PKP4: variants seen among roughly 807,000 people sequenced by gnomAD.
PKP4 encodes the protein plakophilin-4.
Under a neutral mutation model 145.1 loss-of-function variants are expected in PKP4, and 90 were observed. The ratio of observed to expected loss-of-function variants is 0.62; its 90% CI spans 0.52 to 0.74. The LOEUF is 0.74. PKP4 is among the 30% of genes least tolerant of loss of function. PKP4 has a pLI of 0.00. For synonymous variants in PKP4, 563 were observed against 577.2 expected (o/e 0.98, Z 0.35); for missense variants, 1,340 against 1,482.7 (o/e 0.90, Z 1.58).
intron 2 of PKP4, among the ~76,000 whole-genome samples, chr2:158,546,469 A>G (rs72934816): frequency 1.7e-3 from 254 of 152,278 alleles, no homozygotes; most frequent in Non-Finnish European, 2.5e-3. Flanking sequence ...TTAAGTAATC[A>G]CAAGATATTT....
chr2:158,611,559 A>G lies in PKP4; in HGVS notation c.280+8455A>G, dbSNP rs559319732. Among the ~76,000 whole-genome samples, 30 of 152,334 alleles carry G rather than the reference A, an allele frequency of 2.0e-4. 1 individual carries two copies. In the South Asian group the frequency reaches 6.0e-3, roughly 30 times the overall value. The stretch of plus-strand genomic sequence containing the variant: ...CCTCCATCTGGTGCAAGTAATTTAC[A>G]ACACAAAAATTCATCAGCACATCAT... On this transcript the variant is annotated intron_variant, in intron 4 of 21. Coordinates refer to ENST00000389759, the MANE Select transcript of PKP4 (RefSeq NM_003628.6).
At chr2:158,586,073 G>T (rs184445334) in intron 3 of PKP4, among the ~76,000 whole-genome samples, 125 of 152,060 alleles carry the variant, frequency 8.2e-4, no homozygotes, top group African/African-American at 2.8e-3. Flanking sequence ...AATTTTCAAG[G>T]TTCCTCCATG....
At chr2:158,616,203 G>A (rs935636225) in intron 4 of PKP4, among the ~76,000 whole-genome samples, 3 of 152,168 alleles carry the variant, frequency 2.0e-5, no homozygotes, top group East Asian at 1.9e-4. Context: ...CTGAAACAAC[G>A]TTTCCCAGTG....
intron 3 of PKP4, among the ~76,000 whole-genome samples, chr2:158,601,132 C>T (rs1424091373): frequency 6.6e-6 from 1 of 152,096 alleles, no homozygotes; most frequent in Non-Finnish European, 1.5e-5. Context: ...ATGCTAGGCA[C>T]TTGGTATAAA....
intron 12 of PKP4, chr2:158,660,674 A>T (rs531709041): frequency 6.6e-6 from 1 of 152,550 alleles, no homozygotes; most frequent in African/African-American, 2.4e-5. Context: ...AAAAATTTAG[A>T]CACAAAACCG....
At chr2:158,545,190 C>T (rs1404266347) in intron 2 of PKP4, among the ~76,000 whole-genome samples, 3 of 143,276 alleles carry the variant, frequency 2.1e-5, no homozygotes, top group African/African-American at 7.8e-5. Context: ...CCTTTGGGGG[C>T]TCAGCTTCCT....
At chr2:158,562,842 C>T (rs922554967) in intron 2 of PKP4, among the ~76,000 whole-genome samples, 1 of 152,006 alleles carries the variant, frequency 6.6e-6, no homozygotes, top group Non-Finnish European at 1.5e-5. Context: ...TAATTGGGTC[C>T]TCTTGCGTGT....
chr2:158,556,108 C>T (rs1559318891), intron 2 of PKP4, among the ~76,000 whole-genome samples: 1 of 152,214 alleles, frequency 6.6e-6, no homozygotes, highest in Non-Finnish European at 1.5e-5. Context: ...CATTATTACA[C>T]TGTGACATTG....
At chr2:158,562,913 C>T (rs939574326) in intron 2 of PKP4, among the ~76,000 whole-genome samples, 4 of 152,074 alleles carry the variant, frequency 2.6e-5, no homozygotes, top group Non-Finnish European at 4.4e-5. Context: ...TATAAGATTA[C>T]GGTTGATTAT....
At chr2:158,499,334 G>A (rs1696218513) in intron 1 of PKP4, among the ~76,000 whole-genome samples, 1 of 152,014 alleles carries the variant, frequency 6.6e-6, no homozygotes, top group Admixed American at 6.6e-5. Flanking sequence ...CCTGAACCCA[G>A]AGCAGTCCCA....
chr2:158,549,944 A>G (rs2045446381), intron 2 of PKP4, among the ~76,000 whole-genome samples: 1 of 152,190 alleles, frequency 6.6e-6, no homozygotes, highest in Non-Finnish European at 1.5e-5. Context: ...TAGTTTTAAA[A>G]TTATTCAACC....
intron 16 of PKP4, among the ~76,000 whole-genome samples, chr2:158,668,301 C>T (rs1488048833): frequency 6.6e-6 from 1 of 152,118 alleles, no homozygotes; most frequent in Admixed American, 6.5e-5. Context: ...CTAATTTACC[C>T]AGTACTTCAG....
intron 2 of PKP4, among the ~76,000 whole-genome samples, chr2:158,538,958 T>C (rs75893563): frequency 6.6e-6 from 1 of 152,204 alleles, no homozygotes; most frequent in East Asian, 1.9e-4. Flanking sequence ...TTTGGTAAAA[T>C]ATGCTAATTT....
At position 158,663,258 on chromosome 2, in the gene PKP4, T is replaced by C. The variant is rs757909388; in HGVS notation, c.2404-14T>C. ...CATTCTGCCTCCATTTAACGTGTGC[T>C]GTTTGTCTTTCAGTGGGATGGAGTT... On this transcript the variant is annotated splice_polypyrimidine_tract_variant and intron_variant, in intron 14 of 21. Transcript: ENST00000389759. 9.9e-6 allele frequency: 16 copies of C among 1,609,788 alleles called. No homozygotes were observed. The South Asian group carries it at 1.8e-4, about 18-fold the overall frequency.
chr2:158,533,359 T>C (rs746169499), intron 2 of PKP4, 43 bp downstream of exon 2: 1 of 1,605,564 alleles, frequency 6.2e-7, no homozygotes, highest in Non-Finnish European at 8.5e-7. Context: ...ATTTCTTTAA[T>C]GCCTTTAAAA....
At chr2:158,668,585 A>G (rs905850808) in intron 16 of PKP4, among the ~76,000 whole-genome samples, 4 of 152,232 alleles carry the variant, frequency 2.6e-5, no homozygotes, top group Non-Finnish European at 5.9e-5. Flanking sequence ...CCTTAGCAAA[A>G]TGACAAATTA....
At chr2:158,541,463 T>C (rs2105662334) in intron 2 of PKP4, among the ~76,000 whole-genome samples, 1 of 152,252 alleles carries the variant, frequency 6.6e-6, no homozygotes, top group South Asian at 2.1e-4. Context: ...GCTTATAGAA[T>C]CTTAAGAGTT....
intron 11 of PKP4, among the ~76,000 whole-genome samples, chr2:158,655,710 T>G (rs1405011044): frequency 2.0e-5 from 3 of 152,230 alleles, no homozygotes; most frequent in African/African-American, 7.2e-5. Context: ...GACAGAAAAT[T>G]TGTGCCAATG....
intron 3 of PKP4, among the ~76,000 whole-genome samples, chr2:158,590,848 T>C (rs1474064931): frequency 6.6e-6 from 1 of 152,112 alleles, no homozygotes; most frequent in Non-Finnish European, 1.5e-5. Context: ...AGTTTTACAA[T>C]GAATGGATCA....
Sources: allele counts gnomAD v4.1 joint callset (sites outside exome capture counted in the v4.1 genomes callset), GRCh38; gene constraint gnomAD v4.1.1; transcripts MANE v1.5; gene names NCBI Gene and HGNC (gene_info 2026-07-23, HGNC 2026-07-21).